The following RELN variants were observed in gnomAD, a reference collection of about 807,000 sequenced individuals.
RELN encodes the protein reelin.
A neutral mutation model predicts 427.6 loss-of-function variants in RELN; 108 were observed. The ratio of observed to expected loss-of-function variants is 0.25; its 90% CI spans 0.22 to 0.30. The LOEUF is 0.30. Among genes scored for constraint, RELN ranks in the 10% least tolerant of loss-of-function variants. The probability of loss-of-function intolerance (pLI) is 1.00; values close to 1 mark genes in which losing one functional copy is unlikely to be tolerated. For synonymous variants in RELN, 1,524 were observed against 1,513.4 expected, an observed-to-expected ratio of 1.01 and a Z score of -0.16; for missense variants, 3,715 against 4,302.8, an observed-to-expected ratio of 0.86 and a Z score of 3.82.
chr7:103,856,649 T>A (rs1364369952), intron 2 of RELN, among the ~76,000 whole-genome samples: 1 of 151,916 alleles, frequency 6.6e-6, no homozygotes, highest in Non-Finnish European at 1.5e-5. Flanking sequence ...AATTCTAGCT[T>A]TGCAATTGGA....
intron 8 of RELN, among the ~76,000 whole-genome samples, chr7:103,705,637 T>C (rs1445157453): frequency 6.6e-6 from 1 of 152,252 alleles, no homozygotes; most frequent in Non-Finnish European, 1.5e-5. Flanking sequence ...ATATAAGATA[T>C]CTTCCAGAGA....
At chr7:103,954,565 T>A (rs1055385833) in intron 1 of RELN, among the ~76,000 whole-genome samples, 3 of 152,162 alleles carry the variant, frequency 2.0e-5, no homozygotes, top group African/African-American at 7.2e-5. Flanking sequence ...TTGCAGGCCA[T>A]CTGAATTAAA....
At chr7:103,940,936 C>A (rs1337227360) in intron 1 of RELN, among the ~76,000 whole-genome samples, 2 of 152,170 alleles carry the variant, frequency 1.3e-5, no homozygotes, top group South Asian at 4.1e-4. Context: ...TGGATTCCAT[C>A]CAAGCCTGGA....
intron 43 of RELN, among the ~76,000 whole-genome samples, chr7:103,541,429 A>C (rs1193513226): frequency 6.6e-6 from 1 of 152,234 alleles, no homozygotes; most frequent in Non-Finnish European, 1.5e-5. Context: ...AAAACCATTC[A>C]TTCCTCATGA....
chr7:103,836,619 C>T (rs1793415852), intron 2 of RELN, among the ~76,000 whole-genome samples: 1 of 152,142 alleles, frequency 6.6e-6, no homozygotes, highest in South Asian at 2.1e-4. Flanking sequence ...GCCAAATGAA[C>T]CCTCCTCTAT....
intron 22 of RELN, among the ~76,000 whole-genome samples, chr7:103,610,356 T>C (rs1831921268): frequency 1.3e-5 from 2 of 152,184 alleles, no homozygotes; most frequent in Non-Finnish European, 2.9e-5. Context: ...CTTGAATTTC[T>C]AGATTCCTAT....
intron 38 of RELN, among the ~76,000 whole-genome samples, chr7:103,554,969 T>G (rs1016876814): frequency 5.9e-5 from 9 of 152,240 alleles, no homozygotes; most frequent in African/African-American, 1.7e-4. Flanking sequence ...CATTTATTTG[T>G]TTATTTAATA....
chr7:103,894,829 A>C (rs893449236), intron 2 of RELN, among the ~76,000 whole-genome samples: 2 of 152,178 alleles, frequency 1.3e-5, no homozygotes, highest in Non-Finnish European at 2.9e-5. Flanking sequence ...AGCAACCAGC[A>C]GTTGGTGTGT....
chr7:103,484,801 T>A (rs1395153633), intron 61 of RELN, among the ~76,000 whole-genome samples: 1 of 152,112 alleles, frequency 6.6e-6, no homozygotes, highest in Non-Finnish European at 1.5e-5. Context: ...ACCACAATAT[T>A]TATGCTGCAT....
At chr7:103,855,623 C>T (rs377287459) in intron 2 of RELN, among the ~76,000 whole-genome samples, 25 of 152,130 alleles carry the variant, frequency 1.6e-4, no homozygotes, top group Non-Finnish European at 2.8e-4. Context: ...ATAAAGTGAG[C>T]GGCTTAAAGC....
At chr7:103,772,462 T>C (rs1322312657) in intron 4 of RELN, among the ~76,000 whole-genome samples, 2 of 152,214 alleles carry the variant, frequency 1.3e-5, no homozygotes, top group Non-Finnish European at 2.9e-5. Context: ...GAAGATTAGA[T>C]GAGTGCTTGG....
intron 2 of RELN, among the ~76,000 whole-genome samples, chr7:103,904,450 GAACT>G (rs1221211346): frequency 6.6e-6 from 1 of 152,126 alleles, no homozygotes; most frequent in Non-Finnish European, 1.5e-5. Context: ...CACAATGGTT[GAACT>G]AACTTACATT....
intron 37 of RELN, among the ~76,000 whole-genome samples, 178 bp downstream of exon 37, chr7:103,557,787 C>T (rs1348812400): frequency 6.6e-6 from 1 of 151,910 alleles, no homozygotes; most frequent in Non-Finnish European, 1.5e-5. Flanking sequence ...GTTTTCTTGC[C>T]CTTATATTAA....
intron 8 of RELN, among the ~76,000 whole-genome samples, chr7:103,705,210 A>C (rs1481268110): frequency 1.3e-5 from 2 of 152,198 alleles, no homozygotes; most frequent in East Asian, 1.9e-4. Flanking sequence ...TAACATATCC[A>C]TCACCTCACA....
At chr7:103,674,322 T>C (rs556550784) in intron 11 of RELN, among the ~76,000 whole-genome samples, 2 of 152,350 alleles carry the variant, frequency 1.3e-5, no homozygotes, top group East Asian at 1.9e-4. Context: ...TTATACTTGT[T>C]ATACAATCTC....
At chr7:103,571,689 G>A (rs1303908148) in intron 31 of RELN, among the ~76,000 whole-genome samples, 1 of 152,206 alleles carries the variant, frequency 6.6e-6, no homozygotes, top group Admixed American at 6.6e-5. Flanking sequence ...ACGTGGGATA[G>A]TGTCTTGCAT....
intron 1 of RELN, among the ~76,000 whole-genome samples, chr7:103,969,583 ATAAAT>A (rs1212366279): frequency 2.0e-5 from 3 of 152,240 alleles, no homozygotes; most frequent in African/African-American, 7.2e-5. Context: ...AATCTAGGAA[ATAAAT>A]TAAATAGGTA....
chr7:103,538,721 G>A (rs1419598224), intron 45 of RELN, among the ~76,000 whole-genome samples: 1 of 152,082 alleles, frequency 6.6e-6, no homozygotes, highest in Non-Finnish European at 1.5e-5. Context: ...CATTCTCTAT[G>A]TGATGAGAGT....
Position 103,845,343 on chromosome 7 carries a change from G to A in RELN, c.338-11671C>T, listed in dbSNP as rs543271757. The stretch of plus-strand genomic sequence containing the variant: ...AATATAGGCATGCGTCACCACGCCT[G>A]GCTAATTTTTGTATTTTTAGAAAAG... On this transcript the variant is annotated intron_variant, in intron 2 of 64. Coordinates refer to ENST00000428762, the MANE Select transcript of RELN (RefSeq NM_005045.4). Among the ~76,000 whole-genome samples, 244 of 152,148 alleles carry A rather than the reference G, an allele frequency of 1.6e-3. 1 individual carries two copies. Among genetic ancestry groups the A allele is most frequent in the African/African-American group, 5.7e-3 (237 of 41,518 alleles).
Sources: allele counts gnomAD v4.1 joint callset (sites outside exome capture counted in the v4.1 genomes callset), GRCh38; gene constraint gnomAD v4.1.1; transcripts MANE v1.5; gene names NCBI Gene and HGNC (gene_info 2026-07-23, HGNC 2026-07-21).